The following OSBPL1A variants were observed in gnomAD, a reference collection of about 807,000 sequenced individuals.
The protein encoded by OSBPL1A is oxysterol-binding protein-related protein 1.
OSBPL1A carries 80 observed loss-of-function variants against 137.1 expected under a neutral mutation model. The ratio of observed to expected loss-of-function variants is 0.58; its 90% CI spans 0.49 to 0.70. The LOEUF is 0.70. Among genes scored for constraint, OSBPL1A ranks in the 30% least tolerant of loss-of-function variants. The pLI is 0.00. For synonymous variants in OSBPL1A, 365 were observed against 389.7 expected (o/e 0.94, Z 0.75); for missense variants, 970 against 1,129.4 (o/e 0.86, Z 2.02).
chr18:24,297,165 A>G (rs542545848), intron 14 of OSBPL1A, among the ~76,000 whole-genome samples: 2 of 152,114 alleles, frequency 1.3e-5, no homozygotes, highest in Admixed American at 6.5e-5. Flanking sequence ...TACTGATTCA[A>G]TCTAACTGCT....
intron 15 of OSBPL1A, 69 bp downstream of exon 15, chr18:24,280,773 G>T (rs1257513747): frequency 3.8e-6 from 4 of 1,046,126 alleles, no homozygotes; most frequent in South Asian, 2.3e-5. Context: ...TGAAAGCAAT[G>T]ACTTCATGGA....
chr18:24,333,967 AT>A (rs2091128442), intron 6 of OSBPL1A, among the ~76,000 whole-genome samples: 1 of 152,200 alleles, frequency 6.6e-6, no homozygotes, highest in South Asian at 2.1e-4. Flanking sequence ...ACTATTTACC[AT>A]GAAAAATCAG....
At chr18:24,378,209 TAATC>T (rs1195249249) in intron 1 of OSBPL1A, among the ~76,000 whole-genome samples, 1 of 152,188 alleles carries the variant, frequency 6.6e-6, no homozygotes, top group African/African-American at 2.4e-5. Context: ...TTCTTACTAA[TAATC>T]AAATAAATAA....
rs1298674321 is a variant in OSBPL1A, at chr18:24,280,968, TAC to T, written c.1175-22_1175-21del. On this transcript the variant is annotated intron_variant, in intron 14 of 27. Coordinates refer to ENST00000319481, the MANE Select transcript of OSBPL1A (RefSeq NM_080597.4). The stretch of plus-strand genomic sequence containing the variant: ...GCATTTCTATAAAGAAAAAAATAAA[TAC>T]AGTGAGTCGGATTTTAAGGAATCTT... 6.6e-7 allele frequency: 1 copy of T among 1,516,018 alleles called. No individual in the cohort carries two copies. Among genetic ancestry groups the T allele is most frequent in the Admixed American group, 1.9e-5 (1 of 53,298 alleles). The allele number at this position is 1,516,018 out of a possible 1,614,324, so 93.9% of individuals were successfully genotyped here.
intron 17 of OSBPL1A, among the ~76,000 whole-genome samples, chr18:24,220,660 C>T: frequency 6.6e-6 from 1 of 152,076 alleles, no homozygotes. Flanking sequence ...GAGGAATTAC[C>T]CCAAATATTT....
At chr18:24,229,744 CT>C (rs879752974) in intron 16 of OSBPL1A, among the ~76,000 whole-genome samples, 433 of 144,686 alleles carry the variant, frequency 3.0e-3, no homozygotes, top group South Asian at 4.0e-3. Context: ...ATAAATCAAT[CT>C]TTTTTTTTTT....
chr18:24,382,161 G>A (rs1906632157), intron 1 of OSBPL1A, among the ~76,000 whole-genome samples: 1 of 151,358 alleles, frequency 6.6e-6, no homozygotes, highest in Admixed American at 6.6e-5. Flanking sequence ...AGCACTTTGG[G>A]AGGCCAAGGC....
chr18:24,168,176 C>A (rs956394099), intron 24 of OSBPL1A, among the ~76,000 whole-genome samples: 1 of 152,170 alleles, frequency 6.6e-6, no homozygotes, highest in Admixed American at 6.5e-5. Context: ...TCACAGCTCA[C>A]TGTAACCTCA....
rs530599127 is a variant in OSBPL1A at position 24,198,365 on chromosome 18, G to T, written c.1602-2165C>A. 9.5e-4 allele frequency among the ~76,000 whole-genome samples: 144 copies of T among 152,260 alleles called. 1 individual carries two copies. Among genetic ancestry groups the T allele is most frequent in the African/African-American group, 3.3e-3 (136 of 41,544 alleles). ...ATTGTCAGAGGACTGTCAGCCAAGA[G>T]TCCCACCTGGGAATATCCTATACTC... On this transcript the variant is annotated intron_variant, in intron 17 of 27. Coordinates refer to ENST00000319481, the MANE Select transcript of OSBPL1A (RefSeq NM_080597.4).
chr18:24,389,521 T>C (rs1326791525), intron 1 of OSBPL1A, among the ~76,000 whole-genome samples: 1 of 152,200 alleles, frequency 6.6e-6, no homozygotes, highest in Non-Finnish European at 1.5e-5. Context: ...CCCCAACAGT[T>C]CTGAAATATT....
intron 5 of OSBPL1A, among the ~76,000 whole-genome samples, chr18:24,337,424 A>ATAACATAACATAACATAAC (rs1568036788): frequency 3.3e-5 from 2 of 60,750 alleles, no homozygotes; most frequent in Non-Finnish European, 6.8e-5. Context: ...CATAACATAA[A>ATAACATAACATAACATAAC]GCCAGGCATG....
At chr18:24,326,077 G>GA (rs903168057) in intron 7 of OSBPL1A, among the ~76,000 whole-genome samples, 20 of 150,812 alleles carry the variant, frequency 1.3e-4, no homozygotes, top group South Asian at 2.1e-4. Flanking sequence ...AAGAAAAAAA[G>GA]AAAAAAAGAC....
intron 12 of OSBPL1A, among the ~76,000 whole-genome samples, chr18:24,313,822 C>A (rs927410921): frequency 4.6e-5 from 7 of 152,198 alleles, no homozygotes; most frequent in Non-Finnish European, 8.8e-5. Context: ...TACAATCAGG[C>A]CAGGCACAGT....
At chr18:24,264,667 T>C (rs2089527723) in intron 15 of OSBPL1A, among the ~76,000 whole-genome samples, 1 of 152,234 alleles carries the variant, frequency 6.6e-6, no homozygotes, top group East Asian at 1.9e-4. Context: ...GATATTTCAA[T>C]ACCCTTGGCC....
intron 7 of OSBPL1A, among the ~76,000 whole-genome samples, chr18:24,328,553 G>A (rs537581429): frequency 2.0e-5 from 3 of 152,270 alleles, no homozygotes; most frequent in Non-Finnish European, 2.9e-5. Context: ...CAGAGTTTGA[G>A]CTAGCTCTTA....
At chr18:24,251,357 C>T (rs1196547408) in intron 15 of OSBPL1A, among the ~76,000 whole-genome samples, 1 of 152,176 alleles carries the variant, frequency 6.6e-6, no homozygotes, top group African/African-American at 2.4e-5. Flanking sequence ...GTGGTGGCCA[C>T]ATGGGTGTTT....
intron 17 of OSBPL1A, among the ~76,000 whole-genome samples, chr18:24,210,589 G>A (rs941463311): frequency 6.7e-6 from 1 of 148,698 alleles, no homozygotes; most frequent in South Asian, 2.1e-4. Context: ...GCTGGAATAC[G>A]GTGGCACGAT....
Position 24,349,095 on chromosome 18 carries a change from A to G in OSBPL1A, c.283-7437T>C, listed in dbSNP as rs548150862. On this transcript the variant is annotated intron_variant, in intron 4 of 27. Coordinates refer to ENST00000319481, the MANE Select transcript of OSBPL1A (RefSeq NM_080597.4). ...GCTGGGAGGTTCACTTGAGCCCAGG[A>G]GGTCGAGGCTGCAATTAGCTGTAAT... Among the ~76,000 whole-genome samples, 36 of 152,266 alleles carry G rather than the reference A, an allele frequency of 2.4e-4. No homozygotes were observed. In the South Asian group the frequency reaches 3.7e-3, roughly 16 times the overall value.
intron 15 of OSBPL1A, among the ~76,000 whole-genome samples, chr18:24,250,174 G>GTTTTTTTTTTTTTT (rs1233264916): frequency 4.0e-5 from 3 of 75,352 alleles, no homozygotes; most frequent in Non-Finnish European, 5.1e-5. Context: ...TTGTTTGTTT[G>GTTTTTTTTTTTTTT]TTTGTTTGTT....
Sources: allele counts gnomAD v4.1 joint callset (sites outside exome capture counted in the v4.1 genomes callset), GRCh38; gene constraint gnomAD v4.1.1; transcripts MANE v1.5; gene names NCBI Gene and HGNC (gene_info 2026-07-23, HGNC 2026-07-21).